Variants in F9 observed in about 807,000 individuals in gnomAD.
The protein encoded by F9 is Christmas factor.
A neutral mutation model predicts 34.1 loss-of-function variants in F9; 2 were observed. The ratio of observed to expected loss-of-function variants is 0.06; its 90% CI spans 0.02 to 0.18. The LOEUF is 0.18. F9 is among the 10% of genes least tolerant of loss of function. The pLI is 1.00. For synonymous variants in F9, 137 were observed against 118.8 expected, an observed-to-expected ratio of 1.15 and a Z score of -1.00; for missense variants, 216 against 345.1, an observed-to-expected ratio of 0.63 and a Z score of 2.96.
At chrX:139,561,011 C>T (rs778735268) in intron 7 of F9, among the ~76,000 whole-genome samples, 156 bp downstream of exon 7, 1 of 111,536 alleles carries the variant, frequency 9.0e-6, no homozygotes, top group African/African-American at 3.3e-5. Flanking sequence ...CACCGTCCTC[C>T]AAGCATCCAT....
At chrX:139,541,410 T>C (rs6635882) in intron 4 of F9, among the ~76,000 whole-genome samples, 17 of 111,949 alleles carry the variant, frequency 1.5e-4, no homozygotes, top group African/African-American at 5.5e-4. Context: ...ATAATGATGT[T>C]CCACTCACTT....
At chrX:139,546,787 C>A (rs978561989) in intron 4 of F9, among the ~76,000 whole-genome samples, 3 of 110,948 alleles carry the variant, frequency 2.7e-5, no homozygotes, top group Non-Finnish European at 3.8e-5. Flanking sequence ...AATTATGAGA[C>A]GTTATTGAGA....
intron 1 of F9, 67 bp downstream of exon 1, chrX:139,530,919 T>C: frequency 3.3e-6 from 3 of 906,072 alleles, no homozygotes; most frequent in Non-Finnish European, 4.8e-6. Context: ...TCTGATGCTG[T>C]CTTCTTCACT....
intron 6 of F9, among the ~76,000 whole-genome samples, chrX:139,556,452 C>T (rs4149725): frequency 0.018 from 2,063 of 111,776 alleles, 53 homozygotes; most frequent in African/African-American, 0.064. Context: ...GAGATTCAAT[C>T]CTTTCTGTTC....
intron 1 of F9, among the ~76,000 whole-genome samples, chrX:139,535,492 T>G (rs774012755): frequency 2.6e-3 from 290 of 112,125 alleles, no homozygotes; most frequent in Middle Eastern, 4.7e-3. Context: ...ACAGCTGCAA[T>G]GAAAATAAGG....
At chrX:139,548,857 T>C (rs1927778237) in intron 5 of F9, among the ~76,000 whole-genome samples, 1 of 112,153 alleles carries the variant, frequency 8.9e-6, no homozygotes, top group African/African-American at 3.2e-5. Flanking sequence ...AGGCTTCTAG[T>C]ATAAGGACGG....
intron 6 of F9, among the ~76,000 whole-genome samples, chrX:139,556,526 T>C (rs982010169): frequency 1.8e-5 from 2 of 111,781 alleles, no homozygotes; most frequent in Non-Finnish European, 3.8e-5. Context: ...CCAGAACTTG[T>C]TTTTCCTTAG....
chrX:139,561,067 A>G (rs1285764268), intron 7 of F9, among the ~76,000 whole-genome samples: 2 of 111,559 alleles, frequency 1.8e-5, no homozygotes, highest in Non-Finnish European at 3.8e-5. Flanking sequence ...AGTGAGGTAC[A>G]ATTAGTTCTT....
intron 5 of F9, among the ~76,000 whole-genome samples, chrX:139,550,390 G>A (rs1387572211): frequency 8.9e-6 from 1 of 112,159 alleles, no homozygotes. Flanking sequence ...GACTTTGTTT[G>A]ACTACAAATT....
intron 7 of F9, 114 bp from the exon 8 acceptor site, chrX:139,561,410 T>A: frequency 1.5e-6 from 1 of 676,293 alleles, no homozygotes; most frequent in Non-Finnish European, 2.3e-6. Context: ...TATCACAATA[T>A]AAGAATGAGA....
intron 6 of F9, among the ~76,000 whole-genome samples, chrX:139,552,321 G>A (rs961676611): frequency 1.8e-5 from 2 of 112,410 alleles, no homozygotes; most frequent in South Asian, 3.7e-4. Flanking sequence ...TTCTCCAAGC[G>A]TAGTCTGCAA....
rs6047 is a variant in F9, at chrX:139,537,280, G to T, written c.253-82G>T. ...AAAGCATCCATATATATTTATGTATGTTAAATGTTATAAAAGATAGGAAAT... is the reference window on the plus strand; with the variant it reads ...AAAGCATCCATATATATTTATGTATTTTAAATGTTATAAAAGATAGGAAAT... On this transcript the variant is annotated intron_variant, in intron 2 of 7. Transcript: ENST00000218099. The T allele has an allele frequency of 4.5e-3, 4,934 of 1,101,566 alleles. 132 individuals carry two copies. In the African/African-American group the frequency reaches 0.08, roughly 18 times the overall value. 90.8% of individuals were successfully genotyped at this position (1,101,566 alleles called of 1,213,427 possible). A position where few individuals can be genotyped will look rare whatever the true frequency, so the allele number is the denominator to read the frequency against.
At chrX:139,549,673 G>GC (rs1927797111) in intron 5 of F9, among the ~76,000 whole-genome samples, 1 of 112,161 alleles carries the variant, frequency 8.9e-6, no homozygotes, top group South Asian at 3.7e-4. Context: ...GCAGTTTTCC[G>GC]CCCTGGGTGG....
intron 3 of F9, among the ~76,000 whole-genome samples, chrX:139,540,541 TA>T (rs1927579765): frequency 8.9e-6 from 1 of 111,938 alleles, no homozygotes; most frequent in African/African-American, 3.2e-5. Context: ...CTGCATATGA[TA>T]CATCAAAGTT....
chrX:139,537,458 A>G, intron 3 of F9, 72 bp downstream of exon 3: 1 of 871,809 alleles, frequency 1.1e-6, no homozygotes. Flanking sequence ...TTCTCTGCAT[A>G]AATAGATAAT....
At chrX:139,561,309 G>A (rs1928096274) in intron 7 of F9, among the ~76,000 whole-genome samples, 1 of 111,969 alleles carries the variant, frequency 8.9e-6, no homozygotes, top group African/African-American at 3.2e-5. Context: ...GCTTATAACA[G>A]CATGAGTGAA....
chrX:139,532,689 G>A (rs551401687), intron 1 of F9, among the ~76,000 whole-genome samples: 1 of 111,915 alleles, frequency 8.9e-6, no homozygotes. Context: ...TTGATAGAGA[G>A]AGAATATTTT....
At chrX:139,546,093 T>C (rs1927709741) in intron 4 of F9, among the ~76,000 whole-genome samples, 1 of 110,966 alleles carries the variant, frequency 9.0e-6, no homozygotes, top group Admixed American at 9.6e-5. Flanking sequence ...CTCCCTCAAG[T>C]AGACTCCAGT....
chrX:139,554,452 C>A (rs1927921434), intron 6 of F9, among the ~76,000 whole-genome samples: 1 of 112,454 alleles, frequency 8.9e-6, no homozygotes, highest in Non-Finnish European at 1.9e-5. Context: ...TCCTCCACAC[C>A]ACCTCCATCC....
Sources: gnomAD v4.1 joint callset for allele counts (sites outside exome capture counted in the v4.1 genomes callset) on GRCh38, gnomAD v4.1.1 for gene constraint, MANE v1.5 for transcripts, NCBI Gene and HGNC (gene_info 2026-07-23, HGNC 2026-07-21) for gene names.